Variants in STIM1 observed in about 807,000 individuals in gnomAD.
STIM1 encodes stromal interaction molecule 1.
A neutral mutation model predicts 74.7 loss-of-function variants in STIM1; 25 were observed. That is an observed-to-expected ratio of 0.33 (90% confidence interval 0.24 to 0.47). The LOEUF is 0.47. Ranked by LOEUF, STIM1 falls within the 20% of genes least tolerant of loss-of-function variation. STIM1 has a pLI of 1.00. For missense variants in STIM1, 728 were observed against 920.8 expected (o/e 0.79, Z 2.71); for synonymous variants, 328 against 348.8 (o/e 0.94, Z 0.66).
chr11:3,885,129 C>G (rs1197300472), intron 1 of STIM1, among the ~76,000 whole-genome samples: 1 of 151,454 alleles, frequency 6.6e-6, no homozygotes, highest in Non-Finnish European at 1.5e-5. Context: ...ATTATAAAAT[C>G]TAAGAGGATT....
chr11:4,013,953 C>T (rs971262411), intron 2 of STIM1, among the ~76,000 whole-genome samples: 14 of 151,916 alleles, frequency 9.2e-5, no homozygotes, highest in Admixed American at 1.3e-4. Flanking sequence ...GTGATCCGCC[C>T]GTGTTGGTTT....
At chr11:3,934,693 C>G (rs575410275) in intron 1 of STIM1, among the ~76,000 whole-genome samples, 1 of 152,246 alleles carries the variant, frequency 6.6e-6, no homozygotes, top group Non-Finnish European at 1.5e-5. Context: ...GTACAACTAT[C>G]TTGTGTACTT....
rs111331743 is a variant in STIM1 at position 3,909,349 on chromosome 11, T to C, written c.139+52940T>C. On this transcript the variant is annotated intron_variant, in intron 1 of 12. Coordinates refer to ENST00000526596, the MANE Select transcript of STIM1 (RefSeq NM_001382567.1). ...GGTCTGGATCCAACTCCCCAGCTGA[T>C]TGGGGGTATGGGTATAACATATCTC... Among the ~76,000 whole-genome samples, 119 of 152,296 alleles carry C rather than the reference T, an allele frequency of 7.8e-4. 1 individual carries two copies. Among genetic ancestry groups the C allele is most frequent in the African/African-American group, 2.8e-3 (118 of 41,560 alleles).
chr11:3,891,695 G>T (rs2091901176), intron 1 of STIM1, among the ~76,000 whole-genome samples: 1 of 151,960 alleles, frequency 6.6e-6, no homozygotes, highest in South Asian at 2.1e-4. Context: ...TTGAGTTATG[G>T]CTTACATACA....
At chr11:4,033,657 A>G (rs984040145) in intron 3 of STIM1, among the ~76,000 whole-genome samples, 2 of 150,936 alleles carry the variant, frequency 1.3e-5, no homozygotes, top group Non-Finnish European at 2.9e-5. Context: ...GTGCAGTGGC[A>G]TGATCTTGGC....
At chr11:3,884,485 C>A (rs1406985964) in intron 1 of STIM1, among the ~76,000 whole-genome samples, 1 of 152,158 alleles carries the variant, frequency 6.6e-6, no homozygotes, top group African/African-American at 2.4e-5. Flanking sequence ...GGGACACTGA[C>A]TTATGCAGTC....
intron 2 of STIM1, among the ~76,000 whole-genome samples, chr11:3,997,260 G>A (rs923064708): frequency 2.0e-5 from 3 of 152,152 alleles, no homozygotes; most frequent in African/African-American, 7.2e-5. Context: ...TGTGCTAGGT[G>A]CTGGAAAAAA....
intron 11 of STIM1, among the ~76,000 whole-genome samples, chr11:4,085,159 TTCC>T (rs1373558484): frequency 1.3e-5 from 2 of 149,908 alleles, no homozygotes; most frequent in Admixed American, 1.3e-4. Flanking sequence ...TATTCCAGAC[TTCC>T]TCATCCTCTT....
At chr11:3,883,482 T>G (rs948954622) in intron 1 of STIM1, among the ~76,000 whole-genome samples, 235 of 152,278 alleles carry the variant, frequency 1.5e-3, no homozygotes, top group African/African-American at 5.1e-3. Flanking sequence ...GCCTCCCGAG[T>G]AGCTGGGATT....
At chr11:3,878,735 T>C (rs1324743841) in intron 1 of STIM1, among the ~76,000 whole-genome samples, 1 of 152,186 alleles carries the variant, frequency 6.6e-6, no homozygotes, top group African/African-American at 2.4e-5. Flanking sequence ...GTGCTTACCA[T>C]GTTGTTAGTG....
At chr11:4,065,276 C>T (rs1182947035) in intron 5 of STIM1, among the ~76,000 whole-genome samples, 1 of 152,096 alleles carries the variant, frequency 6.6e-6, no homozygotes, top group African/African-American at 2.4e-5. Context: ...AGGGGAAAGT[C>T]CCCAGTGAGC....
intron 1 of STIM1, among the ~76,000 whole-genome samples, chr11:3,958,073 C>T (rs1283417288): frequency 6.6e-6 from 1 of 152,140 alleles, no homozygotes; most frequent in Non-Finnish European, 1.5e-5. Context: ...ACCATGTTGG[C>T]CAGGATGGTC....
chr11:3,915,897 A>T (rs1483258850), intron 1 of STIM1, among the ~76,000 whole-genome samples: 1 of 152,012 alleles, frequency 6.6e-6, no homozygotes, highest in Non-Finnish European at 1.5e-5. Context: ...CTCTACTAAA[A>T]ATACAAAAAG....
intron 3 of STIM1, among the ~76,000 whole-genome samples, chr11:4,028,543 G>A (rs1333405552): frequency 6.6e-6 from 1 of 151,738 alleles, no homozygotes; most frequent in African/African-American, 2.4e-5. Context: ...CGAGTAGCTG[G>A]GATTACAGGC....
At chr11:4,032,240 G>A (rs2094056899) in intron 3 of STIM1, among the ~76,000 whole-genome samples, 1 of 152,176 alleles carries the variant, frequency 6.6e-6, no homozygotes, top group South Asian at 2.1e-4. Flanking sequence ...TGGCTGAGGT[G>A]GGGTGGGTGG....
At chr11:3,920,891 G>T (rs1227615537) in intron 1 of STIM1, among the ~76,000 whole-genome samples, 1 of 150,650 alleles carries the variant, frequency 6.6e-6, no homozygotes, top group Admixed American at 6.6e-5. Flanking sequence ...CACCTTCTGG[G>T]TTCAAGTGAT....
chr11:3,982,004 TTTTG>T (rs1209434835), intron 2 of STIM1, among the ~76,000 whole-genome samples: 1 of 152,062 alleles, frequency 6.6e-6, no homozygotes, highest in African/African-American at 2.4e-5. Context: ...TTTCTTTTCT[TTTTG>T]TTTCTTTTTT....
chr11:4,092,344 G>C lies in STIM1; in HGVS notation c.*546G>C, dbSNP rs1359008942. 1 of 175,890 alleles carries C rather than the reference G, an allele frequency of 5.7e-6. No individual in the cohort carries two copies. Among genetic ancestry groups the C allele is most frequent in the Non-Finnish European group, 1.2e-5 (1 of 80,086 alleles). The allele number at this position is 175,890 out of a possible 1,614,324, so 10.9% of individuals were successfully genotyped here. ...TGTTCTTTGGTATTGATGTGGGTCA[G>C]AAGGAGCCTCATCCTAATCTCACTC... On this transcript the variant is annotated 3_prime_UTR_variant, in exon 13 of 13. Coordinates refer to ENST00000526596, the MANE Select transcript of STIM1 (RefSeq NM_001382567.1).
rs540786866 is a variant in STIM1 at position 3,989,761 on chromosome 11, G to C, written c.270+22079G>C. ...ATTGTCTATTGCTGCTTTTACACAAGAACAGCAGAGTTGTGTAGTTGCGAC... is the reference window on the plus strand; with the variant it reads ...ATTGTCTATTGCTGCTTTTACACAACAACAGCAGAGTTGTGTAGTTGCGAC... On this transcript the variant is annotated intron_variant, in intron 2 of 12. Coordinates refer to ENST00000526596, the MANE Select transcript of STIM1 (RefSeq NM_001382567.1). Among the ~76,000 whole-genome samples the C allele has an allele frequency of 1.1e-4, 16 of 152,258 alleles. No homozygotes were observed. In the East Asian group the frequency reaches 3.1e-3, roughly 29 times the overall value.
Sources: gnomAD v4.1 joint callset for allele counts (sites outside exome capture counted in the v4.1 genomes callset) on GRCh38, gnomAD v4.1.1 for gene constraint, MANE v1.5 for transcripts, NCBI Gene and HGNC (gene_info 2026-07-23, HGNC 2026-07-21) for gene names.